CASZ1: variants seen among roughly 807,000 people sequenced by gnomAD.
CASZ1 encodes the protein castor zinc finger 1.
A neutral mutation model predicts 135.2 loss-of-function variants in CASZ1; 28 were observed. The observed-to-expected ratio is 0.21, with a 90% CI of 0.15 to 0.28. The LOEUF is 0.28. Among genes scored for constraint, CASZ1 ranks in the 10% least tolerant of loss-of-function variants. The pLI is 1.00. For missense variants in CASZ1, 2,161 were observed against 2,453.3 expected (o/e 0.88, Z 2.52); for synonymous variants, 1,068 against 1,073.4 (o/e 0.99, Z 0.10).
intron 2 of CASZ1, 162 bp from the exon 3 acceptor site, chr1:10,705,706 G>A (rs1467878954): frequency 1.3e-5 from 2 of 152,308 alleles, no homozygotes; most frequent in African/African-American, 4.8e-5. Flanking sequence ...CAGGCATGCC[G>A]GGTGGGCTCT....
rs754651100 is a variant in CASZ1 at position 10,650,890 on chromosome 1, G to C, written c.2816+51C>G. On this transcript the variant is annotated intron_variant, in intron 12 of 20. Transcript: ENST00000377022. ...TGGGCGGGACCACCCCGGGGCTCCA[G>C]CTCGAAGGTGTGGTTCCCGGGGCTG... The C allele has an allele frequency of 1.9e-6, 3 of 1,605,094 alleles. No homozygotes were observed. The African/African-American group carries it at 4.0e-5, about 22-fold the overall frequency.
chr1:10,769,134 C>T (rs751155544), intron 1 of CASZ1, among the ~76,000 whole-genome samples: 2 of 151,964 alleles, frequency 1.3e-5, no homozygotes, highest in African/African-American at 4.8e-5. Context: ...AGCAAGCCTC[C>T]GTCTCAAAAA....
At chr1:10,642,345 G>GA (rs35189514) in intron 20 of CASZ1, 36,061 of 81,696 alleles carry the variant, frequency 0.44, 6,393 homozygotes, top group African/African-American at 0.6. Context: ...GAGAAAAGCA[G>GA]AAAAAAAAAA....
chr1:10,728,337 C>T (rs561327672), intron 2 of CASZ1, among the ~76,000 whole-genome samples: 5 of 152,322 alleles, frequency 3.3e-5, no homozygotes, highest in African/African-American at 1.2e-4. Context: ...CAGACAACCA[C>T]GCACCATCAT....
chr1:10,780,308 C>A (rs1470485139), intron 1 of CASZ1, among the ~76,000 whole-genome samples: 1 of 152,164 alleles, frequency 6.6e-6, no homozygotes, highest in Non-Finnish European at 1.5e-5. Flanking sequence ...AAAATTCTGC[C>A]ACTTAACTGA....
rs1360059922 is a variant in CASZ1 at position 10,735,165 on chromosome 1, A to G, written c.-77+25536T>C. Among the ~76,000 whole-genome samples the G allele has an allele frequency of 6.6e-6, 1 of 152,208 alleles. No homozygotes were observed. Among genetic ancestry groups the G allele is most frequent in the Admixed American group, 6.5e-5 (1 of 15,284 alleles). ...AGCCAAAGTAACTGAATTTTGATGAAAAGACGGCGGTAATTTACGGCATCA... is the reference window on the plus strand; with the variant it reads ...AGCCAAAGTAACTGAATTTTGATGAGAAGACGGCGGTAATTTACGGCATCA... On this transcript the variant is annotated intron_variant, in intron 2 of 20. Coordinates refer to ENST00000377022, the MANE Select transcript of CASZ1 (RefSeq NM_001079843.3). The surrounding 1 kb of genome is among the most constrained non-coding windows in gnomAD (Gnocchi z 5.1).
chr1:10,791,389 T>G (rs1333369505), intron 1 of CASZ1, among the ~76,000 whole-genome samples: 1 of 152,232 alleles, frequency 6.6e-6, no homozygotes. Flanking sequence ...TACTACCAAC[T>G]CATTAATTCT....
At chr1:10,640,377 CG>C (rs1642161257) in intron 20 of CASZ1, among the ~76,000 whole-genome samples, 1 of 152,208 alleles carries the variant, frequency 6.6e-6, no homozygotes, top group South Asian at 2.1e-4. Context: ...AGTGAGGACA[CG>C]TCCTGGCGCT....
Position 10,747,031 on chromosome 1 carries a change from A to G in CASZ1, c.-77+13670T>C, listed in dbSNP as rs995015532. Reference sequence around the variant, plus strand: ...GGCTTCTCCCCTCATAGCCCCCGCTAACCAGGAGTGGACGCCCAGAAGTCC... The same window carrying G: ...GGCTTCTCCCCTCATAGCCCCCGCTGACCAGGAGTGGACGCCCAGAAGTCC... On this transcript the variant is annotated intron_variant, in intron 2 of 20. Coordinates refer to ENST00000377022, the MANE Select transcript of CASZ1 (RefSeq NM_001079843.3). This position sits in a 1 kb window ranked among gnomAD's most constrained non-coding sequence, Gnocchi z 4.3. Among the ~76,000 whole-genome samples the G allele has an allele frequency of 2.0e-5, 3 of 152,270 alleles. No homozygotes were observed. The East Asian group carries it at 5.8e-4, about 29-fold the overall frequency.
At chr1:10,780,015 C>A (rs1412881945) in intron 1 of CASZ1, among the ~76,000 whole-genome samples, 3 of 152,176 alleles carry the variant, frequency 2.0e-5, no homozygotes, top group Non-Finnish European at 2.9e-5. Context: ...CTGAGCTGGG[C>A]CAGGAGTGCC....
rs769507455 is a variant in CASZ1, at chr1:10,639,215, TGCGGCG to T, written c.5001_5006del (p.Ala1669_Ala1670del). ...CGTCCTCCTGCGAGGACTCCCCAGC[TGCGGCG>T]GCGGCGGCGGCGGCGCCCTCGCGCG... On this transcript the variant is annotated inframe_deletion, in exon 21 of 21. Coordinates refer to ENST00000377022, the MANE Select transcript of CASZ1 (RefSeq NM_001079843.3). This position sits in a 1 kb window ranked among gnomAD's most constrained non-coding sequence, Gnocchi z 4.0. The T allele has an allele frequency of 3.6e-5, 32 of 899,164 alleles. No homozygotes were observed. The African/African-American group carries it at 4.8e-4, about 14-fold the overall frequency. 55.7% of individuals were successfully genotyped at this position (899,164 alleles called of 1,614,324 possible). A position where few individuals can be genotyped will look rare whatever the true frequency, so the allele number is the denominator to read the frequency against.
At position 10,707,344 on chromosome 1, in the gene CASZ1, C is replaced by T. The variant is rs1046198149; in HGVS notation, c.-76-1800G>A. The stretch of plus-strand genomic sequence containing the variant: ...ACCGGAATGATAACGACTTGCAGCG[C>T]GGTGTTGCCGTCCCCAACCACCCCT... On this transcript the variant is annotated intron_variant, in intron 2 of 20. Coordinates refer to ENST00000377022, the MANE Select transcript of CASZ1 (RefSeq NM_001079843.3). The surrounding 1 kb of genome is among the most constrained non-coding windows in gnomAD (Gnocchi z 5.0). Among the ~76,000 whole-genome samples the T allele has an allele frequency of 3.3e-5, 5 of 152,160 alleles. No individual in the cohort carries two copies. The highest frequency in any genetic ancestry group is 2.0e-4 in the Admixed American group (3 of 15,280).
At chr1:10,675,935 A>G (rs537072587) in intron 4 of CASZ1, among the ~76,000 whole-genome samples, 2 of 152,252 alleles carry the variant, frequency 1.3e-5, no homozygotes, top group African/African-American at 4.8e-5. Flanking sequence ...TGGGATGGGC[A>G]GGGCTAGGCC....
intron 2 of CASZ1, among the ~76,000 whole-genome samples, chr1:10,751,653 G>A (rs1259605354): frequency 2.0e-5 from 3 of 152,214 alleles, no homozygotes; most frequent in Admixed American, 6.5e-5. Flanking sequence ...GGCAGGCTGG[G>A]GAAGAGGCTG....
rs940239723 is a variant in CASZ1, at chr1:10,663,018, GTGCCA to G, written c.505+2060_505+2064del. 2.2e-4 allele frequency among the ~76,000 whole-genome samples: 33 copies of G among 152,348 alleles called. 1 individual carries two copies. Among genetic ancestry groups the G allele is most frequent in the Middle Eastern group, 6.8e-3 (2 of 294 alleles). ...TGCCCGTGTGCTACATGCCTCCCGT[GTGCCA>G]TGCCCTGCATCAGGGTTAGGTGCAC... On this transcript the variant is annotated intron_variant, in intron 5 of 20. Coordinates refer to ENST00000377022, the MANE Select transcript of CASZ1 (RefSeq NM_001079843.3).
intron 1 of CASZ1, among the ~76,000 whole-genome samples, chr1:10,765,764 G>A (rs199521249): frequency 6.6e-6 from 1 of 152,166 alleles, no homozygotes; most frequent in Non-Finnish European, 1.5e-5. Context: ...CTGCTTATGC[G>A]GCCTTTCCAC....
Position 10,704,575 on chromosome 1 carries a change from G to A in CASZ1, c.-24+917C>T, listed in dbSNP as rs1639130804. ...CTTCTCCGTCCTCCTGGGGGGAAGG[G>A]GGCCGGTAGGACAAAACCCAGAGCC... On this transcript the variant is annotated intron_variant, in intron 3 of 20. Coordinates refer to ENST00000377022, the MANE Select transcript of CASZ1 (RefSeq NM_001079843.3). 2.0e-5 allele frequency: 3 copies of A among 152,252 alleles called. No homozygotes were observed. In the South Asian group the frequency reaches 6.2e-4, roughly 32 times the overall value. The allele number at this position is 152,252 out of a possible 1,614,324, so 9.4% of individuals were successfully genotyped here.
At chr1:10,779,459 G>A (rs573504707) in intron 1 of CASZ1, among the ~76,000 whole-genome samples, 1 of 152,204 alleles carries the variant, frequency 6.6e-6, no homozygotes, top group East Asian at 1.9e-4. Flanking sequence ...GGCCGTGGGT[G>A]CAGGCGCCCT....
intron 2 of CASZ1, among the ~76,000 whole-genome samples, chr1:10,758,266 G>C (rs1003318078): frequency 1.4e-4 from 21 of 151,536 alleles, no homozygotes; most frequent in Admixed American, 1.4e-3. Context: ...AACAGGGGCG[G>C]TCTTGTCCAC....
Sources: gnomAD v4.1 joint callset for allele counts (sites outside exome capture counted in the v4.1 genomes callset) on GRCh38, gnomAD v4.1.1 for gene constraint, Gnocchi (gnomAD v3.1) non-coding constraint, MANE v1.5 for transcripts, NCBI Gene and HGNC (gene_info 2026-07-23, HGNC 2026-07-21) for gene names.